ZSCAN2: variants seen among roughly 807,000 people sequenced by gnomAD.
The protein encoded by ZSCAN2 is zinc finger and SCAN domain-containing protein 2.
ZSCAN2 carries 26 observed loss-of-function variants against 47.8 expected under a neutral mutation model. The ratio of observed to expected loss-of-function variants is 0.54; its 90% CI spans 0.40 to 0.75. ZSCAN2 has a LOEUF of 0.75. Ranked by LOEUF, ZSCAN2 falls within the 30% of genes least tolerant of loss-of-function variation. ZSCAN2 has a pLI of 0.00. For synonymous variants in ZSCAN2, 305 were observed against 288.7 expected, an observed-to-expected ratio of 1.06 and a Z score of -0.57; for missense variants, 732 against 785.4, an observed-to-expected ratio of 0.93 and a Z score of 0.81.
chr15:84,611,392 C>CT (rs373009352), intron 2 of ZSCAN2, among the ~76,000 whole-genome samples: 218 of 151,920 alleles, frequency 1.4e-3, no homozygotes, highest in African/African-American at 5.1e-3. Flanking sequence ...GAGGTCAAGA[C>CT]TTAAGTGAGC....
In ZSCAN2 at chr15:84,621,769, C is replaced by G; in HGVS notation, c.1574C>G (p.Thr525Arg). Residue 525 changes from threonine to arginine, a missense_variant, in exon 3 of 3, where the codon ACG becomes AGG. Around this residue, in one of 2 missense-constraint regions of ZSCAN2, gnomAD observed 412 missense variants for 498.0 expected, o/e 0.83. Transcript: ENST00000546148. This position sits in a 1 kb window ranked among gnomAD's most constrained non-coding sequence, Gnocchi z 5.7. ...SQLVVHQRTHTGEKPYKCLMC... is the reference protein window; with the variant it reads ...SQLVVHQRTHRGEKPYKCLMC... ...CTCGTAGTGCACCAGCGGACCCACA[C>G]GGGCGAGAAGCCCTACAAATGCCTC... 1.9e-6 allele frequency: 3 copies of G among 1,614,216 alleles called. No individual in the cohort carries two copies. The highest frequency in any genetic ancestry group is 2.5e-6 in the Non-Finnish European group (3 of 1,180,038).
In ZSCAN2 at chr15:84,620,669, G is replaced by T; in HGVS notation, c.474G>T (p.Lys158Asn). 6.2e-7 allele frequency: 1 copy of T among 1,614,206 alleles called. No individual in the cohort carries two copies. The highest frequency in any genetic ancestry group is 1.1e-5 in the South Asian group (1 of 91,082). ...ACATGTTTGAGAATGAATCACGTAA[G>T]ATATTCTCGGAAATGCCTGAAGGTG... ...NQDMFENESR[K>N]IFSEMPEGES... The change falls in exon 3 of 3, where the codon AAG (lysine) becomes AAT (asparagine). Residue 158 changes from lysine to asparagine, a missense_variant. By Grantham distance (94) the Lys-to-Asn change is moderately conservative. This residue lies in a region of ZSCAN2 where 320 missense variants were observed against 287.4 expected (regional missense o/e 1.11). Coordinates refer to ENST00000546148, the MANE Select transcript of ZSCAN2 (RefSeq NM_181877.4).
chr15:84,622,657 A>C lies in ZSCAN2; in HGVS notation c.*617A>C, dbSNP rs1256385883. 1 of 717,328 alleles carries C rather than the reference A, an allele frequency of 1.4e-6. No homozygotes were observed. The highest frequency in any genetic ancestry group is 2.6e-6 in the Non-Finnish European group (1 of 385,088). 44.4% of individuals were successfully genotyped at this position (717,328 alleles called of 1,614,324 possible). A position where few individuals can be genotyped will look rare whatever the true frequency, so the allele number is the denominator to read the frequency against. On this transcript the variant is annotated 3_prime_UTR_variant, in exon 3 of 3. Coordinates refer to ENST00000546148, the MANE Select transcript of ZSCAN2 (RefSeq NM_181877.4). ...CTTTCTATTTCCAGAAAGTGTCAGG[A>C]GCACAGAAACTTGAGGAAGTACAGC... is the stretch of plus-strand genomic sequence containing the variant.
In ZSCAN2 at chr15:84,623,424, G is replaced by C. The variant is rs986890563; in HGVS notation, c.*1384G>C. 8 of 185,254 alleles carry C rather than the reference G, an allele frequency of 4.3e-5. No individual in the cohort carries two copies. Among genetic ancestry groups the C allele is most frequent in the Non-Finnish European group, 9.0e-5 (7 of 77,620 alleles). 11.5% of individuals were successfully genotyped at this position (185,254 alleles called of 1,614,324 possible). Reference sequence around the variant, plus strand: ...TTATTTTTAAAGAAGTGTTAACTTTGAGGACATATCTGTTCCCTGGAGATA... The same window carrying C: ...TTATTTTTAAAGAAGTGTTAACTTTCAGGACATATCTGTTCCCTGGAGATA... On this transcript the variant is annotated 3_prime_UTR_variant, in exon 3 of 3. Coordinates refer to ENST00000546148, the MANE Select transcript of ZSCAN2 (RefSeq NM_181877.4).
rs1157796846 is a variant in ZSCAN2 at position 84,621,662 on chromosome 15, C to G, written c.1467C>G (p.Leu489=). ...AGAGCTTCAGCTGGAGCTCCAACCT[C>G]CTCAAGCACCAGAGGATCCACACGG... is the stretch of plus-strand genomic sequence containing the variant. ...CGESFSWSSN[L]LKHQRIHTGE... The change falls in exon 3 of 3, where the codon CTC becomes CTG. Residue 489 remains leucine, a synonymous_variant. Transcript: ENST00000546148. This position sits in a 1 kb window ranked among gnomAD's most constrained non-coding sequence, Gnocchi z 5.7. 2.5e-6 allele frequency: 4 copies of G among 1,613,742 alleles called. No homozygotes were observed. The highest frequency in any genetic ancestry group is 3.4e-6 in the Non-Finnish European group (4 of 1,179,958).
Position 84,621,796 on chromosome 15 carries a change from T to C in ZSCAN2, c.1601T>C (p.Met534Thr). Residue 534 changes from methionine to threonine, a missense_variant, in exon 3 of 3, where the codon ATG (methionine) becomes ACG (threonine). Physicochemically the swap from Met to Thr is moderately conservative, Grantham distance 81. Coordinates refer to ENST00000546148, the MANE Select transcript of ZSCAN2 (RefSeq NM_181877.4). The surrounding 1 kb of genome is among the most constrained non-coding windows in gnomAD (Gnocchi z 5.7). ...GGCGAGAAGCCCTACAAATGCCTCA[T>C]GTGCGGCAAGAGCTTCAGCCGGGGC... ...HTGEKPYKCL[M>T]CGKSFSRGSI... The C allele has an allele frequency of 6.2e-7, 1 of 1,614,030 alleles. No homozygotes were observed. Among genetic ancestry groups the C allele is most frequent in the Non-Finnish European group, 8.5e-7 (1 of 1,179,992 alleles).
intron 2 of ZSCAN2, among the ~76,000 whole-genome samples, chr15:84,617,523 A>G (rs1379827245): frequency 6.6e-6 from 1 of 151,840 alleles, no homozygotes; most frequent in Non-Finnish European, 1.5e-5. Context: ...TTGTGCCTGT[A>G]TCTGTCCCCT....
intron 1 of ZSCAN2, among the ~76,000 whole-genome samples, chr15:84,603,354 T>C (rs909362110): frequency 1.3e-5 from 2 of 151,880 alleles, no homozygotes; most frequent in Non-Finnish European, 2.9e-5. Context: ...GCTGTATTTT[T>C]TGTGCTTGGG....
Position 84,608,033 on chromosome 15 carries a change from A to G in ZSCAN2, c.406+3700A>G, listed in dbSNP as rs1237184850. On this transcript the variant is annotated intron_variant, in intron 2 of 2. Coordinates refer to ENST00000546148, the MANE Select transcript of ZSCAN2 (RefSeq NM_181877.4). ...GGATTCTCTCTCTTGGCTTTTTATCATAGTTCACCTTCTTTTCTGTTTATA... is the reference window on the plus strand; with the variant it reads ...GGATTCTCTCTCTTGGCTTTTTATCGTAGTTCACCTTCTTTTCTGTTTATA... Among the ~76,000 whole-genome samples the G allele has an allele frequency of 4.6e-5, 7 of 152,076 alleles. No individual in the cohort carries two copies. In the East Asian group the frequency reaches 7.7e-4, roughly 17 times the overall value.
chr15:84,619,485 C>G (rs1345783410), intron 2 of ZSCAN2, among the ~76,000 whole-genome samples: 3 of 151,886 alleles, frequency 2.0e-5, no homozygotes, highest in African/African-American at 7.3e-5. Flanking sequence ...TTTGAGGGCT[C>G]TTTTAACAAT....
At chr15:84,616,284 G>C in intron 2 of ZSCAN2, 1 of 1,113,170 alleles carries the variant, frequency 9.0e-7, no homozygotes, top group Non-Finnish European at 1.4e-6. Flanking sequence ...GTGGGTCAAA[G>C]GCTCTTTCCT....
In ZSCAN2 at chr15:84,623,429, CAT is replaced by C. The variant is rs1895857329; in HGVS notation, c.*1392_*1393del. ...TTTAAAGAAGTGTTAACTTTGAGGA[CAT>C]ATCTGTTCCCTGGAGATATTTGGGC... On this transcript the variant is annotated 3_prime_UTR_variant, in exon 3 of 3. Transcript: ENST00000546148. 1 of 178,652 alleles carries C rather than the reference CAT, an allele frequency of 5.6e-6. No individual in the cohort carries two copies. Among genetic ancestry groups the C allele is most frequent in the African/African-American group, 2.4e-5 (1 of 41,540 alleles). The allele number at this position is 178,652 out of a possible 1,614,324, so 11.1% of individuals were successfully genotyped here.
Position 84,604,142 on chromosome 15 carries a change from G to T in ZSCAN2, c.215G>T (p.Gly72Val). 1.2e-6 allele frequency: 2 copies of T among 1,613,836 alleles called. No individual in the cohort carries two copies. Among genetic ancestry groups the T allele is most frequent in the Non-Finnish European group, 1.7e-6 (2 of 1,179,898 alleles). ...KGGPQEEVTR[G>V]PQGALGRLRE... ...GGCCCCCAGGAGGAGGTGACCAGGG[G>T]ACCACAGGGTGCACTCGGCCGCCTC... The change falls in exon 2 of 3, where the codon GGA (glycine) becomes GTA (valine). Residue 72 changes from glycine (G) to valine (V), a missense_variant. This residue lies in a region of ZSCAN2 where 320 missense variants were observed against 287.4 expected (regional missense o/e 1.11). Transcript: ENST00000546148.
Position 84,603,893 on chromosome 15 carries a change from G to A in ZSCAN2, c.-35G>A. ...CTGGCTGGAGAAGACTGAGGTCCAA[G>A]GCTTGAAGCCTAAGTGATTGCCCCA... On this transcript the variant is annotated 5_prime_UTR_variant, in exon 2 of 3. Transcript: ENST00000546148. 6.3e-7 allele frequency: 1 copy of A among 1,585,026 alleles called. No individual in the cohort carries two copies. The highest frequency in any genetic ancestry group is 8.6e-7 in the Non-Finnish European group (1 of 1,161,940).
rs537046115 is a variant in ZSCAN2, at chr15:84,622,831, C to T, written c.*791C>T. 8.8e-5 allele frequency: 55 copies of T among 627,994 alleles called. No homozygotes were observed. Among genetic ancestry groups the T allele is most frequent in the African/African-American group, 5.0e-4 (27 of 54,276 alleles). 38.9% of individuals were successfully genotyped at this position (627,994 alleles called of 1,614,324 possible). ...GCTACCAGGGGAACACATTTGTTCTCGTGGGGTTTTGTCCTGGAGAGTGTA... is the reference window on the plus strand; with the variant it reads ...GCTACCAGGGGAACACATTTGTTCTTGTGGGGTTTTGTCCTGGAGAGTGTA... On this transcript the variant is annotated 3_prime_UTR_variant, in exon 3 of 3. Coordinates refer to ENST00000546148, the MANE Select transcript of ZSCAN2 (RefSeq NM_181877.4).
At chr15:84,619,334 G>A (rs527809686) in intron 2 of ZSCAN2, among the ~76,000 whole-genome samples, 4 of 152,126 alleles carry the variant, frequency 2.6e-5, no homozygotes, top group African/African-American at 9.6e-5. Flanking sequence ...GGAGGCTGAG[G>A]CAAGAGAATG....
At chr15:84,614,645 C>G (rs892857638) in intron 2 of ZSCAN2, 2 of 150,548 alleles carry the variant, frequency 1.3e-5, no homozygotes, top group East Asian at 3.9e-4. Context: ...TTTTTTTTTT[C>G]CTGAGATAGA....
rs79046212 is a variant in ZSCAN2 at position 84,605,240 on chromosome 15, G to C, written c.406+907G>C. On this transcript the variant is annotated intron_variant, in intron 2 of 2. Transcript: ENST00000546148. ...GCCGTTTAACCGCTGTCTCCCTCCT[G>C]GTTTTCCATTGTAAAGTAGACTCAC... 3.4e-4 allele frequency among the ~76,000 whole-genome samples: 51 copies of C among 152,232 alleles called. No individual in the cohort carries two copies. The East Asian group carries it at 8.9e-3, about 26-fold the overall frequency.
In ZSCAN2 at chr15:84,622,488, TTCACCCCAAGCTGTTAGTGTTCCAGG is replaced by T. The variant is rs1461104391; in HGVS notation, c.*449_*474del. ...TGCCACGTTGTTGGGCTAAGGTGCCTTCACCCCAAGCTGTTAGTGTTCCAGGGCACCCCAAGCTGTCAGTTAGAATC... is the reference window on the plus strand; with the variant it reads ...TGCCACGTTGTTGGGCTAAGGTGCCTGCACCCCAAGCTGTCAGTTAGAATC... On this transcript the variant is annotated 3_prime_UTR_variant, in exon 3 of 3. Coordinates refer to ENST00000546148, the MANE Select transcript of ZSCAN2 (RefSeq NM_181877.4). 6.3e-6 allele frequency: 4 copies of T among 637,202 alleles called. No individual in the cohort carries two copies. In the East Asian group the frequency reaches 1.1e-4, roughly 18 times the overall value. The allele number at this position is 637,202 out of a possible 1,614,324, so 39.5% of individuals were successfully genotyped here.
Sources: gnomAD v4.1 joint callset for allele counts (sites outside exome capture counted in the v4.1 genomes callset) on GRCh38, gnomAD v4.1.1 for gene constraint, gnomAD v4.1.1 regional missense constraint, Gnocchi (gnomAD v3.1) non-coding constraint, MANE v1.5 for transcripts, NCBI Gene and HGNC (gene_info 2026-07-23, HGNC 2026-07-21) for gene names.